Variants in KIAA1217 observed in about 807,000 individuals in gnomAD.
KIAA1217 encodes the protein KIAA1217.
A neutral mutation model predicts 163.9 loss-of-function variants in KIAA1217; 88 were observed. That is an observed-to-expected ratio of 0.54 (90% CI 0.45 to 0.64). The LOEUF is 0.64. Among genes scored for constraint, KIAA1217 ranks in the 30% least tolerant of loss-of-function variants. The pLI is 0.00. For synonymous variants in KIAA1217, 903 were observed against 923.1 expected, an observed-to-expected ratio of 0.98 and a Z score of 0.39; for missense variants, 2,372 against 2,475.0, an observed-to-expected ratio of 0.96 and a Z score of 0.88.
In KIAA1217 at chr10:24,402,516, C is replaced by CAAAA. The variant is rs372012492; in HGVS notation, c.553+21452_553+21455dup. Among the ~76,000 whole-genome samples, 395 of 92,848 alleles carry CAAAA rather than the reference C, an allele frequency of 4.3e-3. 30 individuals carry two copies. Among genetic ancestry groups the CAAAA allele is most frequent in the African/African-American group, 0.016 (361 of 22,920 alleles). The allele number at this position is 92,848 out of a possible 152,430, so 60.9% of individuals were successfully genotyped here. A position where few individuals can be genotyped will look rare whatever the true frequency, so the allele number is the denominator to read the frequency against. On this transcript the variant is annotated intron_variant, in intron 3 of 20. Coordinates refer to ENST00000376454, the MANE Select transcript of KIAA1217 (RefSeq NM_019590.5). ...AAGGCAAGACTCCCTCTCAAAAAAA[C>CAAAA]AAAAAACAAAACAAAAAAAAAAAAA...
intron 1 of KIAA1217, among the ~76,000 whole-genome samples, chr10:23,823,238 G>A (rs933669307): frequency 6.6e-6 from 1 of 152,170 alleles, no homozygotes; most frequent in African/African-American, 2.4e-5. Flanking sequence ...GGGAGAATTC[G>A]GTTCGTTACG....
At chr10:23,987,609 G>A (rs1408987900) in intron 1 of KIAA1217, among the ~76,000 whole-genome samples, 2 of 103,370 alleles carry the variant, frequency 1.9e-5, no homozygotes, top group Non-Finnish European at 3.7e-5. Context: ...TTATTTGTGT[G>A]TGTGTGTGTG....
intron 2 of KIAA1217, among the ~76,000 whole-genome samples, chr10:24,059,889 A>G (rs1462950891): frequency 1.3e-5 from 2 of 152,072 alleles, no homozygotes; most frequent in Non-Finnish European, 1.5e-5. Flanking sequence ...CTATTTCTTC[A>G]TCACCCAGTC....
intron 2 of KIAA1217, among the ~76,000 whole-genome samples, chr10:24,060,641 T>C (rs545448152): frequency 6.6e-6 from 1 of 152,100 alleles, no homozygotes; most frequent in African/African-American, 2.4e-5. Context: ...CAAAAAAATT[T>C]TTTTATGAGA....
At chr10:24,053,313 A>G (rs1564641830) in intron 2 of KIAA1217, among the ~76,000 whole-genome samples, 1 of 152,304 alleles carries the variant, frequency 6.6e-6, no homozygotes, top group Non-Finnish European at 1.5e-5. Context: ...ATATTTATAA[A>G]TATGATACAC....
intron 2 of KIAA1217, among the ~76,000 whole-genome samples, chr10:24,366,088 A>C (rs1364389715): frequency 1.3e-5 from 2 of 152,172 alleles, no homozygotes; most frequent in Non-Finnish European, 2.9e-5. Flanking sequence ...AGGATTATAG[A>C]AATTTTCATT....
intron 2 of KIAA1217, among the ~76,000 whole-genome samples, chr10:24,092,701 A>C (rs2061979682): frequency 6.6e-6 from 1 of 151,818 alleles, no homozygotes; most frequent in Admixed American, 6.6e-5. Context: ...TGAAAAAAAA[A>C]CAAAAACCTA....
At chr10:24,358,891 GT>G (rs1292303153) in intron 2 of KIAA1217, among the ~76,000 whole-genome samples, 2 of 151,886 alleles carry the variant, frequency 1.3e-5, no homozygotes, top group Non-Finnish European at 2.9e-5. Context: ...TACTTGTTTT[GT>G]TTTTTTAAAA....
chr10:24,022,651 C>T (rs568397317), intron 2 of KIAA1217, among the ~76,000 whole-genome samples: 2 of 151,596 alleles, frequency 1.3e-5, no homozygotes, highest in Non-Finnish European at 3.0e-5. Flanking sequence ...TACACAAACA[C>T]CCACAAATAA....
At chr10:23,857,239 G>A (rs994086338) in intron 1 of KIAA1217, among the ~76,000 whole-genome samples, 1 of 152,172 alleles carries the variant, frequency 6.6e-6, no homozygotes, top group Non-Finnish European at 1.5e-5. Flanking sequence ...ATACTGACTT[G>A]AGATAGACTT....
At chr10:24,131,122 T>C (rs1337582080) in intron 2 of KIAA1217, among the ~76,000 whole-genome samples, 2 of 152,234 alleles carry the variant, frequency 1.3e-5, no homozygotes, top group Non-Finnish European at 2.9e-5. Context: ...TCACTTTCCT[T>C]CTATTTTATT....
chr10:24,368,871 T>G (rs1215347182), intron 2 of KIAA1217: 2 of 983,556 alleles, frequency 2.0e-6, no homozygotes, highest in African/African-American at 3.5e-5. Flanking sequence ...GGTTGGCATC[T>G]TTTATAATTT....
chr10:24,072,694 C>T (rs1026763339), intron 2 of KIAA1217, among the ~76,000 whole-genome samples: 7 of 152,112 alleles, frequency 4.6e-5, no homozygotes, highest in African/African-American at 1.2e-4. Flanking sequence ...ATGCTTAGAA[C>T]ACTGATACTC....
chr10:24,054,736 CT>C (rs1434093502), intron 2 of KIAA1217, among the ~76,000 whole-genome samples: 1 of 152,166 alleles, frequency 6.6e-6, no homozygotes, highest in African/African-American at 2.4e-5. Context: ...GCATAGCCTA[CT>C]ACACACCTAG....
At position 24,264,949 on chromosome 10, in the gene KIAA1217, C is replaced by T. The variant is rs570865480; in HGVS notation, c.354+45040C>T. On this transcript the variant is annotated intron_variant, in intron 2 of 20. Transcript: ENST00000376454. ...TCACTGCAGCCTCAACTTCTGGGCTCAGGTGATCCTCCCACCTCAACCTCC... is the reference window on the plus strand; with the variant it reads ...TCACTGCAGCCTCAACTTCTGGGCTTAGGTGATCCTCCCACCTCAACCTCC... Among the ~76,000 whole-genome samples the T allele has an allele frequency of 2.6e-5, 4 of 152,186 alleles. No individual in the cohort carries two copies. The South Asian group carries it at 8.3e-4, about 32-fold the overall frequency.
intron 2 of KIAA1217, among the ~76,000 whole-genome samples, chr10:24,022,398 A>G (rs376887180): frequency 7.2e-5 from 11 of 151,794 alleles, no homozygotes; most frequent in African/African-American, 2.7e-4. Context: ...CATTAAAACA[A>G]CAAGATACAA....
rs535324387 is a variant in KIAA1217 at position 24,318,958 on chromosome 10, C to T, written c.355-61911C>T. On this transcript the variant is annotated intron_variant, in intron 2 of 20. Coordinates refer to ENST00000376454, the MANE Select transcript of KIAA1217 (RefSeq NM_019590.5). ...ATCCCATCCAGGACACCTGGGTGCA[C>T]GGTTTGGGAGCTGCAGGTAGAGTGG... Among the ~76,000 whole-genome samples the T allele has an allele frequency of 2.9e-3, 435 of 152,234 alleles. 2 individuals are homozygous for T. The highest frequency in any genetic ancestry group is 4.8e-3 in the Non-Finnish European group (329 of 68,012).
chr10:24,529,666 C>T (rs2072806421), intron 14 of KIAA1217, among the ~76,000 whole-genome samples: 1 of 152,098 alleles, frequency 6.6e-6, no homozygotes, highest in Non-Finnish European at 1.5e-5. Context: ...TTTTCTTACA[C>T]CTTTCCCCAC....
chr10:23,901,007 T>C (rs982801024), intron 1 of KIAA1217, among the ~76,000 whole-genome samples: 5 of 152,176 alleles, frequency 3.3e-5, no homozygotes, highest in African/African-American at 9.6e-5. Flanking sequence ...TAATTATTTT[T>C]ATTTAATAAA....
Sources: gnomAD v4.1 joint callset for allele counts (sites outside exome capture counted in the v4.1 genomes callset) on GRCh38, gnomAD v4.1.1 for gene constraint, MANE v1.5 for transcripts, NCBI Gene and HGNC (gene_info 2026-07-23, HGNC 2026-07-21) for gene names.